Variants in AK9 observed in about 807,000 individuals in gnomAD.
AK9 encodes adenylate kinase 9, also known as adenylate kinase domain containing 1.
A neutral mutation model predicts 239.6 loss-of-function variants in AK9; 191 were observed. That is an observed-to-expected ratio of 0.80 (90% confidence interval 0.71 to 0.90). The LOEUF is 0.90. Ranked by LOEUF, AK9 falls within the 40% of genes least tolerant of loss-of-function variation. The pLI, the probability that AK9 is intolerant of heterozygous loss-of-function variation, is 0.00. For synonymous variants in AK9, 689 were observed against 721.0 expected (o/e 0.96, Z 0.71); for missense variants, 1,995 against 2,214.7 (o/e 0.90, Z 1.99).
At chr6:109,686,668 G>C (rs1420000404) in intron 1 of AK9, among the ~76,000 whole-genome samples, 1 of 152,184 alleles carries the variant, frequency 6.6e-6, no homozygotes, top group Non-Finnish European at 1.5e-5. Flanking sequence ...GCCACAACAG[G>C]AGCCTCTCTC....
At chr6:109,604,455 T>G (rs1190319202) in intron 17 of AK9, among the ~76,000 whole-genome samples, 2 of 152,214 alleles carry the variant, frequency 1.3e-5, no homozygotes, top group Non-Finnish European at 2.9e-5. Flanking sequence ...TTCCCAACAG[T>G]TAATCTTATC....
intron 17 of AK9, among the ~76,000 whole-genome samples, chr6:109,588,140 G>T (rs1362617895): frequency 6.6e-6 from 1 of 151,244 alleles, no homozygotes; most frequent in Non-Finnish European, 1.5e-5. Context: ...GCGCGATCTC[G>T]ACTCACTGCA....
chr6:109,616,487 C>A lies in AK9; in HGVS notation c.1400-2007G>T, dbSNP rs533635553. ...CAACCTCCTGGGCTCAAGTGATCCTCCCATCTCAGCCTCCTGAGTAGCTGA... is the reference window on the plus strand; with the variant it reads ...CAACCTCCTGGGCTCAAGTGATCCTACCATCTCAGCCTCCTGAGTAGCTGA... On this transcript the variant is annotated intron_variant, in intron 13 of 40. Coordinates refer to ENST00000424296, the MANE Select transcript of AK9 (RefSeq NM_001145128.3). 3.9e-5 allele frequency among the ~76,000 whole-genome samples: 6 copies of A among 152,028 alleles called. No homozygotes were observed. The East Asian group carries it at 1.2e-3, about 29-fold the overall frequency.
intron 8 of AK9, among the ~76,000 whole-genome samples, chr6:109,646,999 ACT>A (rs1321964132): frequency 1.1e-4 from 17 of 152,322 alleles, no homozygotes; most frequent in Admixed American, 3.9e-4. Flanking sequence ...AAGCTTCATA[ACT>A]GAAGGAGAAA....
At chr6:109,553,598 T>G (rs903674002) in intron 24 of AK9, among the ~76,000 whole-genome samples, 19 of 152,218 alleles carry the variant, frequency 1.2e-4, no homozygotes, top group Non-Finnish European at 2.1e-4. Flanking sequence ...AAGAAGTTTT[T>G]GGGCTGAAAT....
At chr6:109,666,186 T>C (rs1286255722) in intron 5 of AK9, among the ~76,000 whole-genome samples, 2 of 152,174 alleles carry the variant, frequency 1.3e-5, no homozygotes, top group Non-Finnish European at 2.9e-5. Context: ...GGGGTGTATC[T>C]ATGGGAGGAG....
intron 17 of AK9, among the ~76,000 whole-genome samples, chr6:109,602,276 C>A (rs1002945942): frequency 1.3e-5 from 2 of 152,158 alleles, no homozygotes; most frequent in African/African-American, 4.8e-5. Context: ...CTGGTGGTGA[C>A]AAAATCTCTC....
chr6:109,675,466 A>G (rs1431714923), intron 2 of AK9, among the ~76,000 whole-genome samples, 163 bp downstream of exon 2: 2 of 152,160 alleles, frequency 1.3e-5, no homozygotes, highest in East Asian at 3.8e-4. Context: ...GATAGTTATG[A>G]ATTTATAACC....
intron 17 of AK9, among the ~76,000 whole-genome samples, chr6:109,606,583 T>G (rs1273926259): frequency 6.6e-6 from 1 of 152,202 alleles, no homozygotes; most frequent in Admixed American, 6.5e-5. Flanking sequence ...AGTGGCAGGT[T>G]TGACACAAAA....
intron 38 of AK9, 133 bp downstream of exon 38, chr6:109,497,332 A>ACACAC (rs1777143876): frequency 2.1e-6 from 1 of 479,686 alleles, no homozygotes; most frequent in African/African-American, 3.6e-5. Flanking sequence ...TTGTTCACAC[A>ACACAC]CACACACACA....
Position 109,493,100 on chromosome 6 carries a change from G to T in AK9, c.*269C>A. The T allele has an allele frequency of 3.7e-6, 1 of 269,668 alleles. No individual in the cohort carries two copies. The highest frequency in any genetic ancestry group is 6.9e-6 in the Non-Finnish European group (1 of 144,746). 16.7% of individuals were successfully genotyped at this position (269,668 alleles called of 1,614,324 possible). A position where few individuals can be genotyped will look rare whatever the true frequency, so the allele number is the denominator to read the frequency against. ...ATAAGTCACTTAACTTTTCTATATG[G>T]AATTATAAATAGAATGTTTATTTTG... On this transcript the variant is annotated 3_prime_UTR_variant, in exon 41 of 41. Transcript: ENST00000424296.
In AK9 at chr6:109,621,914, A is replaced by C. The variant is rs1162226266; in HGVS notation, c.1255-2678T>G. On this transcript the variant is annotated intron_variant, in intron 12 of 40. Coordinates refer to ENST00000424296, the MANE Select transcript of AK9 (RefSeq NM_001145128.3). ...TAATTAAAAAAAAAAAAAAAAAAAC[A>C]AAAAAAAAACAGAAAGAGAAATTCC... is the stretch of plus-strand genomic sequence containing the variant. 3.5e-3 allele frequency among the ~76,000 whole-genome samples: 136 copies of C among 38,658 alleles called. 2 individuals carry two copies. Among genetic ancestry groups the C allele is most frequent in the African/African-American group, 9.5e-3 (135 of 14,238 alleles). 25.4% of individuals were successfully genotyped at this position (38,658 alleles called of 152,430 possible). A position where few individuals can be genotyped will look rare whatever the true frequency, so the allele number is the denominator to read the frequency against.
intron 1 of AK9, among the ~76,000 whole-genome samples, chr6:109,676,143 G>A (rs1771724444): frequency 6.6e-6 from 1 of 152,026 alleles, no homozygotes; most frequent in African/African-American, 2.4e-5. Flanking sequence ...TTGGCTAAAT[G>A]TATTAGATTC....
chr6:109,554,001 G>C (rs1265927346), intron 24 of AK9, among the ~76,000 whole-genome samples: 5 of 152,126 alleles, frequency 3.3e-5, no homozygotes, highest in African/African-American at 1.2e-4. Context: ...GATGGATTAT[G>C]TTTATTGACC....
At position 109,674,227 on chromosome 6, in the gene AK9, G is replaced by A. The variant is rs770265620; in HGVS notation, c.152C>T (p.Thr51Ile). Residue 51 changes from threonine (T) to isoleucine (I), a missense_variant, in exon 3 of 41, where the codon ACA (threonine) becomes ATA (isoleucine). Thr to Ile is a moderately conservative substitution (Grantham distance 89). Coordinates refer to ENST00000424296, the MANE Select transcript of AK9 (RefSeq NM_001145128.3). ...VGKTTLARYI[T>I]QAWKCIRVEA... ...AACACGAATACATTTCCATGCCTGT[G>A]TTATGTAACGGGCTAATGTTGTTTT... The A allele has an allele frequency of 6.3e-7, 1 of 1,591,058 alleles. No individual in the cohort carries two copies. The highest frequency in any genetic ancestry group is 8.5e-7 in the Non-Finnish European group (1 of 1,170,362).
chr6:109,614,148 T>C, intron 15 of AK9, 35 bp downstream of exon 15: 1 of 1,483,054 alleles, frequency 6.7e-7, no homozygotes, highest in South Asian at 1.2e-5. Context: ...GAAAATGAGA[T>C]CCACAAACGT....
At chr6:109,538,977 G>A (rs970041047) in intron 27 of AK9, among the ~76,000 whole-genome samples, 1 of 152,222 alleles carries the variant, frequency 6.6e-6, no homozygotes, top group Non-Finnish European at 1.5e-5. Flanking sequence ...GAGATCCGCT[G>A]TTAGTCTGGT....
chr6:109,621,893 T>TAAAAAAAAAAAAAAAAAAAAAAAA (rs59405869), intron 12 of AK9, among the ~76,000 whole-genome samples: 1 of 55,524 alleles, frequency 1.8e-5, no homozygotes, highest in African/African-American at 9.3e-5. Context: ...AAAGTATAAT[T>TAAAAAAAAAAAAAAAAAAAAAAAA]AAAAAAAAAA....
At chr6:109,664,181 T>C (rs1372772050) in intron 5 of AK9, among the ~76,000 whole-genome samples, 4 of 152,206 alleles carry the variant, frequency 2.6e-5, no homozygotes, top group African/African-American at 4.8e-5. Context: ...TCTAATATGG[T>C]AAATATAAAT....
Sources: gnomAD v4.1 joint callset for allele counts (sites outside exome capture counted in the v4.1 genomes callset) on GRCh38, gnomAD v4.1.1 for gene constraint, MANE v1.5 for transcripts, NCBI Gene and HGNC (gene_info 2026-07-23, HGNC 2026-07-21) for gene names.